The following SNX14 variants were observed in gnomAD, a reference collection of about 807,000 sequenced individuals.
The protein encoded by SNX14 is sorting nexin-14.
In SNX14, 93 loss-of-function variants were observed where a neutral mutation model predicts 133.8. The observed-to-expected ratio is 0.70, with a 90% CI of 0.59 to 0.83. The LOEUF (loss-of-function observed/expected upper bound fraction) is 0.83, where lower values mean the gene tolerates loss of function less well. SNX14 is among the 40% of genes least tolerant of loss of function. The pLI is 0.00. For synonymous variants in SNX14, 368 were observed against 365.6 expected (o/e 1.01, Z -0.07); for missense variants, 945 against 1,094.9 (o/e 0.86, Z 1.93).
At position 85,543,987 on chromosome 6, in the gene SNX14, C is replaced by T. The variant is rs150609960; in HGVS notation, c.1109-227G>A. ...TAGAAAATATGTAAATACATAAATA[C>T]CAATACAAATTTTGCTAAAATTCAA... On this transcript the variant is annotated intron_variant, in intron 12 of 28. Coordinates refer to ENST00000314673, the MANE Select transcript of SNX14 (RefSeq NM_153816.6). Among the ~76,000 whole-genome samples the T allele has an allele frequency of 7.9e-5, 12 of 151,928 alleles. No homozygotes were observed. In the East Asian group the frequency reaches 2.3e-3, roughly 29 times the overall value.
intron 4 of SNX14, among the ~76,000 whole-genome samples, chr6:85,569,214 G>A (rs773401676): frequency 2.0e-4 from 31 of 152,042 alleles, no homozygotes; most frequent in Non-Finnish European, 1.9e-4. Context: ...CGCCCACCTC[G>A]GCCTCCCAAA....
chr6:85,538,425 T>C (rs934774522), intron 16 of SNX14, among the ~76,000 whole-genome samples: 6 of 152,136 alleles, frequency 3.9e-5, no homozygotes, highest in Admixed American at 3.3e-4. Context: ...ATGGGGGTTG[T>C]TGAAATCTAA....
chr6:85,551,211 T>C (rs1463556665), intron 7 of SNX14, among the ~76,000 whole-genome samples: 2 of 152,130 alleles, frequency 1.3e-5, no homozygotes, highest in East Asian at 1.9e-4. Context: ...TTAAAATAGA[T>C]CCAGGCCACC....
intron 4 of SNX14, chr6:85,568,307 G>A (rs1193135573): frequency 6.6e-6 from 1 of 152,144 alleles, no homozygotes; most frequent in African/African-American, 2.4e-5. Context: ...ATACAGTGAA[G>A]AAACAAGCAG....
chr6:85,527,024 G>A (rs1367601523), intron 20 of SNX14, among the ~76,000 whole-genome samples: 1 of 152,064 alleles, frequency 6.6e-6, no homozygotes, highest in Non-Finnish European at 1.5e-5. Context: ...AGCTGAGATC[G>A]TGCCGTTGCG....
chr6:85,584,715 G>A (rs1800114212), intron 1 of SNX14, among the ~76,000 whole-genome samples: 2 of 152,200 alleles, frequency 1.3e-5, no homozygotes, highest in African/African-American at 4.8e-5. Context: ...TTTCATGCTA[G>A]TTAGAATGGT....
In SNX14 at chr6:85,530,368, G is replaced by A. The variant is rs1779836198; in HGVS notation, c.1811-93C>T. Reference sequence around the variant, plus strand: ...AACATTAAGAATACAAAGCTGGCTAGACACGGTGGCTCACGCCTATAATCC... The same window carrying A: ...AACATTAAGAATACAAAGCTGGCTAAACACGGTGGCTCACGCCTATAATCC... On this transcript the variant is annotated intron_variant, in intron 18 of 28. Transcript: ENST00000314673. The A allele has an allele frequency of 9.8e-6, 8 of 815,960 alleles. No homozygotes were observed. The East Asian group carries it at 2.4e-4, about 25-fold the overall frequency. 50.5% of individuals were successfully genotyped at this position (815,960 alleles called of 1,614,324 possible).
At chr6:85,545,824 C>T (rs1278058884) in intron 12 of SNX14, among the ~76,000 whole-genome samples, 2 of 152,162 alleles carry the variant, frequency 1.3e-5, no homozygotes, top group Non-Finnish European at 2.9e-5. Flanking sequence ...GCTGCGATTA[C>T]AGGCATGAGC....
intron 21 of SNX14, among the ~76,000 whole-genome samples, chr6:85,519,726 G>A (rs981372409): frequency 3.9e-5 from 6 of 152,122 alleles, no homozygotes; most frequent in South Asian, 4.1e-4. Flanking sequence ...AAAATTAGCC[G>A]GACGTGGTGG....
chr6:85,540,598 G>T lies in SNX14; in HGVS notation c.1448+1387C>A, dbSNP rs1456692710. Among the ~76,000 whole-genome samples the T allele has an allele frequency of 3.9e-5, 6 of 152,088 alleles. No homozygotes were observed. In the East Asian group the frequency reaches 1.2e-3, roughly 29 times the overall value. ...TGGTATTTTTGCAAATAATCCTAAAGGCATTTCTACCTTTCAGAAAAGTTA... is the reference window on the plus strand; with the variant it reads ...TGGTATTTTTGCAAATAATCCTAAATGCATTTCTACCTTTCAGAAAAGTTA... On this transcript the variant is annotated intron_variant, in intron 15 of 28. Coordinates refer to ENST00000314673, the MANE Select transcript of SNX14 (RefSeq NM_153816.6).
At chr6:85,553,762 G>T (rs898754278) in intron 7 of SNX14, among the ~76,000 whole-genome samples, 2 of 149,752 alleles carry the variant, frequency 1.3e-5, no homozygotes, top group South Asian at 2.1e-4. Flanking sequence ...CTCCAGCCTC[G>T]GCGACAGAGC....
intron 7 of SNX14, among the ~76,000 whole-genome samples, chr6:85,557,519 T>C (rs1169484589): frequency 6.6e-6 from 1 of 152,182 alleles, no homozygotes; most frequent in Non-Finnish European, 1.5e-5. Context: ...CAAGACTAGA[T>C]CTAATATCTG....
At chr6:85,512,194 C>G (rs1773098767) in intron 26 of SNX14, among the ~76,000 whole-genome samples, 1 of 152,132 alleles carries the variant, frequency 6.6e-6, no homozygotes, top group Non-Finnish European at 1.5e-5. Flanking sequence ...AGGGCCTTGT[C>G]AAGAACAGAA....
In SNX14 at chr6:85,505,654, G is replaced by A. The variant is rs1194816545; in HGVS notation, c.*313C>T. 1.7e-5 allele frequency: 5 copies of A among 285,754 alleles called. No individual in the cohort carries two copies. The highest frequency in any genetic ancestry group is 3.2e-5 in the Non-Finnish European group (5 of 154,918). The allele number at this position is 285,754 out of a possible 1,614,324, so 17.7% of individuals were successfully genotyped here. A position where few individuals can be genotyped will look rare whatever the true frequency, so the allele number is the denominator to read the frequency against. On this transcript the variant is annotated 3_prime_UTR_variant, in exon 29 of 29. Coordinates refer to ENST00000314673, the MANE Select transcript of SNX14 (RefSeq NM_153816.6). ...CATACTAGGCATAATTATTTTCAAA[G>A]CTATACAATACGAAGTTTATCAGTC...
At chr6:85,524,190 AAAAGAAAG>A (rs142252854) in intron 21 of SNX14, among the ~76,000 whole-genome samples, 2,440 of 151,904 alleles carry the variant, frequency 0.016, 34 homozygotes, top group Non-Finnish European at 0.023. Flanking sequence ...TCCATCTCAA[AAAAGAAAG>A]AAAGAAAGAA....
At chr6:85,556,228 T>G (rs1457247928) in intron 7 of SNX14, among the ~76,000 whole-genome samples, 1 of 152,036 alleles carries the variant, frequency 6.6e-6, no homozygotes, top group Non-Finnish European at 1.5e-5. Flanking sequence ...TTCCTATACG[T>G]TCTTCTGACA....
intron 23 of SNX14, among the ~76,000 whole-genome samples, chr6:85,516,264 G>A (rs1387030047): frequency 4.0e-5 from 6 of 151,172 alleles, no homozygotes; most frequent in Non-Finnish European, 8.9e-5. Context: ...TTTCACTTAT[G>A]TAAACAATAT....
At chr6:85,552,471 C>G (rs1033141126) in intron 7 of SNX14, among the ~76,000 whole-genome samples, 2 of 152,018 alleles carry the variant, frequency 1.3e-5, no homozygotes, top group African/African-American at 4.8e-5. Context: ...CCTGCTAGGA[C>G]CCCCAGCATG....
At chr6:85,513,999 C>A (rs1773885823) in intron 25 of SNX14, 71 bp downstream of exon 25, 1 of 1,562,726 alleles carries the variant, frequency 6.4e-7, no homozygotes, top group African/African-American at 1.4e-5. Context: ...AACAAGATTT[C>A]TTCCTCTTTA....
Sources: allele counts gnomAD v4.1 joint callset (sites outside exome capture counted in the v4.1 genomes callset), GRCh38; gene constraint gnomAD v4.1.1; transcripts MANE v1.5; gene names NCBI Gene and HGNC (gene_info 2026-07-23, HGNC 2026-07-21).